The following ASTN2 variants were observed in gnomAD, a reference collection of about 807,000 sequenced individuals.
ASTN2 encodes the protein astrotactin 2, also known as astrotactin-2.
ASTN2 carries 54 observed loss-of-function variants against 139.8 expected under a neutral mutation model. That is an observed-to-expected ratio of 0.39 (90% CI 0.31 to 0.48). The LOEUF is 0.48. Among genes scored for constraint, ASTN2 ranks in the 20% least tolerant of loss-of-function variants. The probability of loss-of-function intolerance (pLI) is 0.95; values close to 1 mark genes in which losing one functional copy is unlikely to be tolerated. For missense variants in ASTN2, 1,565 were observed against 1,725.1 expected (o/e 0.91, Z 1.64); for synonymous variants, 756 against 719.5 (o/e 1.05, Z -0.81).
chr9:116,859,665 C>CT (rs1832827433), intron 11 of ASTN2, among the ~76,000 whole-genome samples: 6 of 152,194 alleles, frequency 3.9e-5, no homozygotes, highest in Admixed American at 1.3e-4. Flanking sequence ...AAAGGGGTCC[C>CT]ATCCTCTATC....
At chr9:117,108,957 T>C (rs1362436754) in intron 4 of ASTN2, among the ~76,000 whole-genome samples, 1 of 152,296 alleles carries the variant, frequency 6.6e-6, no homozygotes, top group East Asian at 1.9e-4. Flanking sequence ...CAAGATTCAA[T>C]AGTGCTTCAC....
intron 1 of ASTN2, among the ~76,000 whole-genome samples, chr9:117,409,188 C>T (rs1468342725): frequency 6.6e-6 from 1 of 152,024 alleles, no homozygotes; most frequent in Non-Finnish European, 1.5e-5. Context: ...TTCTCTCACA[C>T]ATAAGAAAAA....
At chr9:116,999,548 C>CCTT (rs1837128594) in intron 7 of ASTN2, among the ~76,000 whole-genome samples, 1 of 94,920 alleles carries the variant, frequency 1.1e-5, no homozygotes, top group African/African-American at 4.9e-5. Flanking sequence ...TTCTCTCTTT[C>CCTT]TTTTTTTTTT....
At chr9:117,176,288 C>A (rs1399842486) in intron 3 of ASTN2, among the ~76,000 whole-genome samples, 1 of 151,968 alleles carries the variant, frequency 6.6e-6, no homozygotes, top group Non-Finnish European at 1.5e-5. Context: ...GGACACAGGA[C>A]AATCTTAGAT....
At chr9:117,202,413 T>C (rs936707395) in intron 3 of ASTN2, among the ~76,000 whole-genome samples, 1 of 152,182 alleles carries the variant, frequency 6.6e-6, no homozygotes, top group African/African-American at 2.4e-5. Flanking sequence ...GCACAGTAGT[T>C]GATGCAGTTT....
chr9:116,839,837 A>AT (rs199882900), intron 11 of ASTN2, among the ~76,000 whole-genome samples: 6,765 of 110,580 alleles, frequency 0.061, 491 homozygotes, highest in African/African-American at 0.23. Flanking sequence ...CACCCAGCTG[A>AT]TTTTTTTATT....
At chr9:117,236,273 A>G (rs1833042139) in intron 2 of ASTN2, among the ~76,000 whole-genome samples, 1 of 152,178 alleles carries the variant, frequency 6.6e-6, no homozygotes, top group African/African-American at 2.4e-5. Context: ...AAAAATTCTG[A>G]GGTGCTGCAT....
intron 3 of ASTN2, among the ~76,000 whole-genome samples, chr9:117,204,707 T>A (rs954506682): frequency 3.9e-5 from 6 of 152,264 alleles, no homozygotes; most frequent in Non-Finnish European, 8.8e-5. Flanking sequence ...CATTTATCAT[T>A]GGATACCCAC....
chr9:117,334,523 G>T (rs1828814693), intron 1 of ASTN2, among the ~76,000 whole-genome samples: 1 of 149,230 alleles, frequency 6.7e-6, no homozygotes, highest in Non-Finnish European at 1.5e-5. Context: ...ATAATGATAA[G>T]CAAAGCCAGG....
chr9:116,601,720 C>A (rs544414881), intron 19 of ASTN2, among the ~76,000 whole-genome samples: 86 of 152,256 alleles, frequency 5.6e-4, no homozygotes, highest in Admixed American at 2.0e-3. Flanking sequence ...TGGAAAGGAG[C>A]AAACTTGTAG....
At chr9:117,015,931 T>C (rs1837660487) in intron 6 of ASTN2, among the ~76,000 whole-genome samples, 1 of 152,064 alleles carries the variant, frequency 6.6e-6, no homozygotes, top group Admixed American at 6.6e-5. Context: ...TCTCTCAACT[T>C]TTAATATTTT....
At chr9:116,634,671 AACTC>A (rs912892402) in intron 17 of ASTN2, among the ~76,000 whole-genome samples, 4 of 149,906 alleles carry the variant, frequency 2.7e-5, no homozygotes, top group Middle Eastern at 3.5e-3. Flanking sequence ...AGACAAAAGA[AACTC>A]AAGGCACATC....
chr9:116,552,023 A>G (rs1380262047), intron 19 of ASTN2: 2 of 152,172 alleles, frequency 1.3e-5, no homozygotes, highest in African/African-American at 4.8e-5. Context: ...ACACATATAC[A>G]TATACATACA....
chr9:117,109,133 T>G (rs1829183143), intron 4 of ASTN2, among the ~76,000 whole-genome samples: 1 of 150,324 alleles, frequency 6.7e-6, no homozygotes, highest in East Asian at 2.0e-4. Flanking sequence ...AATACAAAAA[T>G]TAGCTGGGCG....
intron 16 of ASTN2, among the ~76,000 whole-genome samples, chr9:116,669,951 C>T (rs190592890): frequency 6.6e-6 from 1 of 151,782 alleles, no homozygotes; most frequent in East Asian, 1.9e-4. Flanking sequence ...ATTACAGGCA[C>T]GTGCCACCAC....
intron 2 of ASTN2, among the ~76,000 whole-genome samples, chr9:117,280,522 G>T (rs2133142683): frequency 6.6e-6 from 1 of 152,278 alleles, no homozygotes; most frequent in East Asian, 1.9e-4. Context: ...GGAGAATGTA[G>T]TATGGAGGCG....
intron 5 of ASTN2, among the ~76,000 whole-genome samples, chr9:117,040,358 A>G (rs1359023260): frequency 1.3e-5 from 2 of 152,258 alleles, no homozygotes; most frequent in Non-Finnish European, 2.9e-5. Context: ...GTCTAGTGAA[A>G]TAAGCATGGG....
At chr9:116,767,074 A>G (rs1305452127) in intron 13 of ASTN2, among the ~76,000 whole-genome samples, 1 of 152,126 alleles carries the variant, frequency 6.6e-6, no homozygotes, top group Non-Finnish European at 1.5e-5. Flanking sequence ...CATCACACAC[A>G]CATAAACACA....
intron 2 of ASTN2, among the ~76,000 whole-genome samples, chr9:117,288,116 T>C (rs900372338): frequency 2.6e-5 from 4 of 152,208 alleles, no homozygotes; most frequent in Admixed American, 6.5e-5. Context: ...GAGGGTATGC[T>C]GAAGCTGAGG....
Sources: gnomAD v4.1 joint callset for allele counts (sites outside exome capture counted in the v4.1 genomes callset) on GRCh38, gnomAD v4.1.1 for gene constraint, MANE v1.5 for transcripts, NCBI Gene and HGNC (gene_info 2026-07-23, HGNC 2026-07-21) for gene names.